Variants in DCDC2C observed in about 807,000 individuals in gnomAD.
DCDC2C encodes doublecortin domain-containing protein 2C.
In DCDC2C, 44 loss-of-function variants were observed where a neutral mutation model predicts 45.0. The observed-to-expected ratio is 0.98, with a 90% CI of 0.77 to 1.26. DCDC2C has a LOEUF of 1.26. Ranked by LOEUF, DCDC2C falls within the 50% of genes most tolerant of loss-of-function variation. The pLI is 0.00. For missense variants in DCDC2C, 447 were observed against 468.9 expected (o/e 0.95, Z 0.43); for synonymous variants, 187 against 178.8 (o/e 1.05, Z -0.37).
At chr2:3,754,679 G>A (rs1448115246) in intron 6 of DCDC2C, 45 bp downstream of exon 6, 6 of 1,509,470 alleles carry the variant, frequency 4.0e-6, no homozygotes, top group Non-Finnish European at 5.4e-6. Context: ...TTCTGATTCT[G>A]GCGTCTTCTG....
chr2:3,712,314 C>T (rs1432920483), intron 2 of DCDC2C, among the ~76,000 whole-genome samples: 1 of 152,096 alleles, frequency 6.6e-6, no homozygotes, highest in African/African-American at 2.4e-5. Flanking sequence ...GTTTGCCTGC[C>T]TTGTGGCTTA....
At chr2:3,755,411 A>G (rs577609501) in intron 6 of DCDC2C, among the ~76,000 whole-genome samples, 25 of 152,130 alleles carry the variant, frequency 1.6e-4, no homozygotes, top group Admixed American at 1.3e-3. Flanking sequence ...GTATGTATTT[A>G]AATACATGTG....
chr2:3,720,543 C>T (rs1012951675), intron 2 of DCDC2C, among the ~76,000 whole-genome samples: 1 of 152,162 alleles, frequency 6.6e-6, no homozygotes, highest in Non-Finnish European at 1.5e-5. Context: ...TAACCATGTA[C>T]CCTTCCCACA....
At chr2:3,803,677 A>G (rs1671165634) in intron 10 of DCDC2C, among the ~76,000 whole-genome samples, 1 of 152,148 alleles carries the variant, frequency 6.6e-6, no homozygotes, top group Admixed American at 6.5e-5. Context: ...CCTCTTCTCC[A>G]TCAATCACGC....
intron 3 of DCDC2C, among the ~76,000 whole-genome samples, chr2:3,739,522 C>T (rs1034442958): frequency 6.6e-6 from 1 of 152,232 alleles, no homozygotes; most frequent in South Asian, 2.1e-4. Context: ...TCAAGAGGAA[C>T]GCACCAACAG....
At chr2:3,704,715 G>A (rs1297288415) in intron 1 of DCDC2C, among the ~76,000 whole-genome samples, 1 of 94,354 alleles carries the variant, frequency 1.1e-5, no homozygotes, top group Non-Finnish European at 2.1e-5. Flanking sequence ...GGGGAGGGGG[G>A]AGGGGCGTGG....
chr2:3,719,091 C>CTT (rs962901126), intron 2 of DCDC2C, among the ~76,000 whole-genome samples: 11 of 145,866 alleles, frequency 7.5e-5, no homozygotes, highest in African/African-American at 2.8e-4. Flanking sequence ...CAGCTGTTTC[C>CTT]TTTTTTTTTT....
At chr2:3,735,561 T>G (rs1669000933) in intron 3 of DCDC2C, among the ~76,000 whole-genome samples, 1 of 152,132 alleles carries the variant, frequency 6.6e-6, no homozygotes, top group Admixed American at 6.6e-5. Context: ...CCTGGGAATT[T>G]TACCCGCATC....
chr2:3,725,269 A>G (rs954523894), intron 2 of DCDC2C, among the ~76,000 whole-genome samples: 2 of 152,132 alleles, frequency 1.3e-5, no homozygotes, highest in Admixed American at 1.3e-4. Context: ...AGGGCAGTGT[A>G]CATGTGCCCT....
intron 2 of DCDC2C, among the ~76,000 whole-genome samples, chr2:3,721,359 G>A (rs1476602285): frequency 6.6e-6 from 1 of 152,128 alleles, no homozygotes; most frequent in Admixed American, 6.5e-5. Flanking sequence ...CATCCTGCAT[G>A]GTGCTGAATA....
rs556567359 is a variant in DCDC2C, at chr2:3,846,465, GCTT to G, written c.1066-682_1066-680del. Among the ~76,000 whole-genome samples the G allele has an allele frequency of 5.4e-3, 815 of 152,034 alleles. 4 individuals carry two copies. The highest frequency in any genetic ancestry group is 0.019 in the African/African-American group (784 of 41,448). On this transcript the variant is annotated intron_variant, in intron 10 of 10. Transcript: ENST00000399143. ...GAGGGAGTCTTACTATGTTGCCCAG[GCTT>G]CTTCTTTTATAAAATTTGATTTCAG...
chr2:3,755,926 G>A (rs1223860428), intron 6 of DCDC2C, among the ~76,000 whole-genome samples: 1 of 152,108 alleles, frequency 6.6e-6, no homozygotes, highest in East Asian at 1.9e-4. Flanking sequence ...ATGCATATGT[G>A]TGTATGGATG....
intron 8 of DCDC2C, among the ~76,000 whole-genome samples, chr2:3,773,792 G>A (rs1572605789): frequency 6.6e-6 from 1 of 152,354 alleles, no homozygotes; most frequent in Middle Eastern, 3.4e-3. Context: ...TAGTAGAGCA[G>A]GCTGCTTCAT....
chr2:3,766,912 A>G (rs1010755808), intron 6 of DCDC2C, among the ~76,000 whole-genome samples: 1 of 152,230 alleles, frequency 6.6e-6, no homozygotes, highest in African/African-American at 2.4e-5. Context: ...ATGGTGCCAA[A>G]GCTTCACGCG....
chr2:3,819,795 C>T (rs1406722611), intron 10 of DCDC2C, among the ~76,000 whole-genome samples: 4 of 152,190 alleles, frequency 2.6e-5, no homozygotes, highest in African/African-American at 9.7e-5. Flanking sequence ...ATGCCTTTAG[C>T]TCTGGCCACC....
intron 2 of DCDC2C, among the ~76,000 whole-genome samples, chr2:3,726,727 C>T (rs757007300): frequency 3.3e-5 from 5 of 152,174 alleles, no homozygotes; most frequent in Non-Finnish European, 4.4e-5. Context: ...CACCTTTGCC[C>T]GTCAGCCCAG....
At chr2:3,805,423 G>A (rs1382878558) in intron 10 of DCDC2C, among the ~76,000 whole-genome samples, 2 of 152,182 alleles carry the variant, frequency 1.3e-5, no homozygotes, top group Non-Finnish European at 2.9e-5. Flanking sequence ...ATACTGAGTC[G>A]TGTGTGTGAC....
intron 3 of DCDC2C, among the ~76,000 whole-genome samples, chr2:3,731,093 G>C (rs1668854063): frequency 6.6e-6 from 1 of 152,322 alleles, no homozygotes; most frequent in South Asian, 2.1e-4. Context: ...CTTGTCCTAA[G>C]TGGGAGACAG....
intron 2 of DCDC2C, among the ~76,000 whole-genome samples, chr2:3,717,555 C>T (rs1668380825): frequency 6.7e-6 from 1 of 149,112 alleles, no homozygotes; most frequent in Non-Finnish European, 1.5e-5. Flanking sequence ...CAAGTTTGGT[C>T]ACCTGGAAGG....
Sources: gnomAD v4.1 joint callset for allele counts (sites outside exome capture counted in the v4.1 genomes callset) on GRCh38, gnomAD v4.1.1 for gene constraint, MANE v1.5 for transcripts, NCBI Gene and HGNC (gene_info 2026-07-23, HGNC 2026-07-21) for gene names.